RASGRP3: variants seen among roughly 807,000 people sequenced by gnomAD.
The protein encoded by RASGRP3 is ras guanyl-releasing protein 3.
Under a neutral mutation model 82.7 loss-of-function variants are expected in RASGRP3, and 54 were observed. The observed-to-expected ratio is 0.65, with a 90% CI of 0.52 to 0.82. RASGRP3 has a LOEUF of 0.82. Among genes scored for constraint, RASGRP3 ranks in the 40% least tolerant of loss-of-function variants. The pLI, the probability that RASGRP3 is intolerant of heterozygous loss-of-function variation, is 0.00. For missense variants in RASGRP3, 861 were observed against 828.9 expected, an observed-to-expected ratio of 1.04 and a Z score of -0.48; for synonymous variants, 309 against 300.5, an observed-to-expected ratio of 1.03 and a Z score of -0.29.
chr2:33,485,655 C>A (rs1012516445), intron 1 of RASGRP3, among the ~76,000 whole-genome samples: 7 of 152,148 alleles, frequency 4.6e-5, no homozygotes, highest in African/African-American at 1.7e-4. Flanking sequence ...CATATTCATT[C>A]CCATGAAATG....
At chr2:33,540,361 A>T (rs1674131470) in intron 12 of RASGRP3, among the ~76,000 whole-genome samples, 1 of 146,252 alleles carries the variant, frequency 6.8e-6, no homozygotes, top group African/African-American at 2.4e-5. Context: ...TAACAGACCC[A>T]GCTTGGAGCT....
At position 33,562,914 on chromosome 2, in the gene RASGRP3, CT is replaced by C; in HGVS notation, c.*178del. The C allele has an allele frequency of 3.5e-6, 2 of 572,296 alleles. No individual in the cohort carries two copies. The highest frequency in any genetic ancestry group is 5.3e-6 in the Non-Finnish European group (2 of 375,114). 35.5% of individuals were successfully genotyped at this position (572,296 alleles called of 1,614,324 possible). On this transcript the variant is annotated 3_prime_UTR_variant, in exon 18 of 18. Transcript: ENST00000403687. ...CTATGGGACAGAGAATTGACCCTAA[CT>C]AACTAACTATGAACTATTTATTTCC...
intron 1 of RASGRP3, among the ~76,000 whole-genome samples, chr2:33,443,153 C>A (rs1262001817): frequency 6.6e-6 from 1 of 152,194 alleles, no homozygotes; most frequent in East Asian, 1.9e-4. Flanking sequence ...CTTTCTATTA[C>A]ATTTATAAAT....
intron 1 of RASGRP3, among the ~76,000 whole-genome samples, chr2:33,485,998 C>T (rs1487405235): frequency 5.3e-5 from 8 of 152,088 alleles, no homozygotes; most frequent in Admixed American, 3.3e-4. Context: ...CTTTAATCGC[C>T]AGTTTTAGAA....
Position 33,436,667 on chromosome 2 carries a change from A to G in RASGRP3, c.-385+76A>G, listed in dbSNP as rs539210311. ...GAACTATGGATATTAGCCACAGACA[A>G]TGGATATGATTTGAGGTCCGATCCT... is the stretch of plus-strand genomic sequence containing the variant. On this transcript the variant is annotated intron_variant, in intron 1 of 18. Coordinates refer to the RASGRP3 transcript ENST00000402538. 4 of 152,360 alleles carry G rather than the reference A, an allele frequency of 2.6e-5. No homozygotes were observed. In the East Asian group the frequency reaches 5.8e-4, roughly 22 times the overall value. The allele number at this position is 152,360 out of a possible 1,614,324, so 9.4% of individuals were successfully genotyped here.
In RASGRP3 at chr2:33,527,268, T is replaced by G. The variant is rs750789666; in HGVS notation, c.939T>G (p.His313Gln). ...GVHLKDLIAV[H>Q]VIFPDWTEEN... The stretch of plus-strand genomic sequence containing the variant: ...ACTTGAAAGACTTGATAGCTGTCCA[T>G]GTCATTTTCCCAGACTGGACAGAGG... Residue 313 changes from histidine (H) to glutamine (Q), a missense_variant, in exon 10 of 18, where the codon CAT becomes CAG. His to Gln is a conservative substitution (Grantham distance 24). Coordinates refer to ENST00000403687, the MANE Select transcript of RASGRP3 (RefSeq NM_001139488.2). 3 of 1,614,040 alleles carry G rather than the reference T, an allele frequency of 1.9e-6. No individual in the cohort carries two copies. In the South Asian group the frequency reaches 3.3e-5, roughly 18 times the overall value.
chr2:33,507,555 T>C (rs1670504410), intron 1 of RASGRP3, among the ~76,000 whole-genome samples: 1 of 152,184 alleles, frequency 6.6e-6, no homozygotes, highest in African/African-American at 2.4e-5. Flanking sequence ...AGACTGAGTC[T>C]CTCTATGTTG....
intron 2 of RASGRP3, among the ~76,000 whole-genome samples, chr2:33,458,386 G>C (rs924157383): frequency 6.6e-6 from 1 of 152,048 alleles, no homozygotes; most frequent in African/African-American, 2.4e-5. Context: ...TCAGTTGTTT[G>C]TGTTTTAGAG....
intron 1 of RASGRP3, among the ~76,000 whole-genome samples, chr2:33,479,394 T>C (rs1667673988): frequency 6.8e-6 from 1 of 147,324 alleles, no homozygotes; most frequent in South Asian, 2.2e-4. Context: ...GTCACTCCTT[T>C]CCTTTGGAGG....
chr2:33,477,322 C>G (rs2150927363), intron 1 of RASGRP3, among the ~76,000 whole-genome samples: 1 of 152,256 alleles, frequency 6.6e-6, no homozygotes, highest in African/African-American at 2.4e-5. Flanking sequence ...TAATTGAAAG[C>G]TGTATTTTAT....
At chr2:33,524,623 A>T in intron 9 of RASGRP3, 75 bp downstream of exon 9, 1 of 1,122,658 alleles carries the variant, frequency 8.9e-7, no homozygotes, top group Non-Finnish European at 1.3e-6. Context: ...TACGCCTAAC[A>T]AATGTCACTC....
chr2:33,483,934 A>T (rs1421143340), intron 1 of RASGRP3, among the ~76,000 whole-genome samples: 3 of 152,134 alleles, frequency 2.0e-5, no homozygotes, highest in African/African-American at 7.2e-5. Context: ...TAATGAATTG[A>T]CCAAAAGGAG....
At chr2:33,540,255 G>A (rs1273613616) in intron 12 of RASGRP3, 1 of 147,606 alleles carries the variant, frequency 6.8e-6, no homozygotes, top group African/African-American at 2.4e-5. Flanking sequence ...AAATTTTGCG[G>A]AGTGTGTTAG....
At chr2:33,483,400 A>G (rs1407238451) in intron 1 of RASGRP3, among the ~76,000 whole-genome samples, 1 of 152,126 alleles carries the variant, frequency 6.6e-6, no homozygotes, top group Non-Finnish European at 1.5e-5. Context: ...TCCAGGTGCA[A>G]CTTTGACAGA....
intron 4 of RASGRP3, among the ~76,000 whole-genome samples, chr2:33,519,561 C>G (rs896810943): frequency 6.6e-6 from 1 of 152,122 alleles, no homozygotes; most frequent in Non-Finnish European, 1.5e-5. Context: ...GAACCGAGAT[C>G]GTGCCACTGC....
At position 33,549,727 on chromosome 2, in the gene RASGRP3, C is replaced by T; in HGVS notation, c.1518C>T (p.Thr506=). The T allele has an allele frequency of 6.2e-7, 1 of 1,613,928 alleles. No homozygotes were observed. Among genetic ancestry groups the T allele is most frequent in the Non-Finnish European group, 8.5e-7 (1 of 1,179,860 alleles). Residue 506 remains threonine (T), a synonymous_variant, in exon 14 of 18, where the codon ACC becomes ACT. Transcript: ENST00000403687. ...NFQEMTYLKP[T]FCEHCAGFLW... ...AGGAGATGACCTATCTCAAGCCAACCTTCTGCGAACACTGTGCGGGATTTG... is the reference window on the plus strand; with the variant it reads ...AGGAGATGACCTATCTCAAGCCAACTTTCTGCGAACACTGTGCGGGATTTG...
intron 1 of RASGRP3, among the ~76,000 whole-genome samples, chr2:33,438,158 G>T (rs1459762709): frequency 1.3e-5 from 2 of 152,198 alleles, no homozygotes; most frequent in African/African-American, 2.4e-5. Context: ...TGTATGTAAG[G>T]TTTAAGAAAG....
At chr2:33,486,740 A>G (rs1361286726) in intron 1 of RASGRP3, among the ~76,000 whole-genome samples, 1 of 152,210 alleles carries the variant, frequency 6.6e-6, no homozygotes, top group African/African-American at 2.4e-5. Flanking sequence ...TGGGTATAAA[A>G]GGATAAAAAG....
chr2:33,546,019 A>G (rs1222918089), intron 13 of RASGRP3, among the ~76,000 whole-genome samples: 1 of 151,666 alleles, frequency 6.6e-6, no homozygotes, highest in African/African-American at 2.4e-5. Context: ...CATGTTGGCC[A>G]GGCTGTTCTT....
Sources: allele counts gnomAD v4.1 joint callset (sites outside exome capture counted in the v4.1 genomes callset), GRCh38; gene constraint gnomAD v4.1.1; transcripts MANE v1.5; gene names NCBI Gene and HGNC (gene_info 2026-07-23, HGNC 2026-07-21).